OTOG: variants seen among roughly 807,000 people sequenced by gnomAD.
OTOG encodes otogelin.
In OTOG, 296 loss-of-function variants were observed where a neutral mutation model predicts 313.8. The observed-to-expected ratio is 0.94, with a 90% CI of 0.86 to 1.04. The LOEUF (loss-of-function observed/expected upper bound fraction) is 1.04. Ranked by LOEUF, OTOG falls within the 50% of genes least tolerant of loss-of-function variation. The pLI is 0.00. For synonymous variants in OTOG, 1,533 were observed against 1,554.9 expected (o/e 0.99, Z 0.33); for missense variants, 3,948 against 3,840.1 (o/e 1.03, Z -0.74).
intron 22 of OTOG, among the ~76,000 whole-genome samples, chr11:17,577,834 G>A (rs990869186): frequency 4.6e-5 from 7 of 152,102 alleles, no homozygotes; most frequent in African/African-American, 1.4e-4. Context: ...GTGAATGTGC[G>A]GGGCAGACCT....
chr11:17,604,148 C>G (rs1419445839), intron 32 of OTOG, among the ~76,000 whole-genome samples: 1 of 152,218 alleles, frequency 6.6e-6, no homozygotes, highest in East Asian at 1.9e-4. Context: ...ATTCAAACTC[C>G]TCTGCCATGC....
chr11:17,561,006 T>G, intron 13 of OTOG, 85 bp from the exon 14 acceptor site: 1 of 1,434,424 alleles, frequency 7.0e-7, no homozygotes, highest in Admixed American at 2.0e-5. Context: ...ATGGGAAGAC[T>G]GAGGGCTGTG....
chr11:17,623,359 C>T (rs1255676696), intron 39 of OTOG, among the ~76,000 whole-genome samples: 2 of 152,182 alleles, frequency 1.3e-5, no homozygotes, highest in African/African-American at 4.8e-5. Context: ...CATGTGCTCT[C>T]ATCATTTAGC....
At chr11:17,576,970 G>A in intron 22 of OTOG, 59 bp downstream of exon 22, 1 of 1,506,732 alleles carries the variant, frequency 6.6e-7, no homozygotes, top group Non-Finnish European at 9.0e-7. Context: ...AAGGAGAGTG[G>A]GGAGTGGAGC....
intron 53 of OTOG, among the ~76,000 whole-genome samples, chr11:17,643,023 G>A (rs1440863549): frequency 1.3e-5 from 2 of 152,226 alleles, no homozygotes; most frequent in Non-Finnish European, 2.9e-5. Context: ...GGTTTTAACG[G>A]ATACTTGCCC....
At chr11:17,609,576 C>A in intron 35 of OTOG, 79 bp from the exon 36 acceptor site, 4 of 1,299,738 alleles carry the variant, frequency 3.1e-6, no homozygotes, top group Non-Finnish European at 4.2e-6. Flanking sequence ...CCTCAAGCCT[C>A]ACACCACAGC....
chr11:17,574,035 G>T (rs1358315453), intron 19 of OTOG, among the ~76,000 whole-genome samples: 1 of 152,198 alleles, frequency 6.6e-6, no homozygotes, highest in East Asian at 1.9e-4. Flanking sequence ...ATCAACGAAG[G>T]CAACATATCT....
chr11:17,599,172 A>C (rs1853183585), intron 30 of OTOG, among the ~76,000 whole-genome samples: 1 of 152,180 alleles, frequency 6.6e-6, no homozygotes, highest in Non-Finnish European at 1.5e-5. Context: ...AGCTTCTCAC[A>C]GCTCGGCTGG....
intron 36 of OTOG, 136 bp downstream of exon 36, chr11:17,611,559 C>A: frequency 1.0e-6 from 1 of 979,062 alleles, no homozygotes. Flanking sequence ...ATTCTTCAGT[C>A]TCCTATTGGC....
rs756890224 is a variant in OTOG, at chr11:17,639,920, G to GTGGTGGTGGTGATGGTGAGGA, written c.7935+475_7935+476insGGATGGTGGTGGTGATGGTGA. On this transcript the variant is annotated intron_variant, in intron 49 of 55. Coordinates refer to ENST00000399397, the MANE Select transcript of OTOG (RefSeq NM_001292063.2). ...GATGGTGGTGGTGATGGTGAGGATG[G>GTGGTGGTGGTGATGGTGAGGA]TGGTGGTGGTGATGGTGATAATGCA... Among the ~76,000 whole-genome samples, 59 of 147,622 alleles carry GTGGTGGTGGTGATGGTGAGGA rather than the reference G, an allele frequency of 4.0e-4. 1 individual carries two copies. The highest frequency in any genetic ancestry group is 3.5e-3 in the Middle Eastern group (1 of 286).
Position 17,640,989 on chromosome 11 carries a change from T to C in OTOG, c.8088T>C (p.Asp2696=), listed in dbSNP as rs1565131167. 6.5e-7 allele frequency: 1 copy of C among 1,548,600 alleles called. No individual in the cohort carries two copies. Among genetic ancestry groups the C allele is most frequent in the Admixed American group, 2.0e-5 (1 of 50,996 alleles). Residue 2696 remains aspartate, a synonymous_variant, in exon 51 of 56, where the codon GAT becomes GAC. Coordinates refer to ENST00000399397, the MANE Select transcript of OTOG (RefSeq NM_001292063.2). ...PGQTVVELSA[D]GVCHTSRCTT... ...AGACAGTGGTGGAGCTCTCAGCAGATGGCGTGTGCCACACCTCCCGCTGCA... is the reference window on the plus strand; with the variant it reads ...AGACAGTGGTGGAGCTCTCAGCAGACGGCGTGTGCCACACCTCCCGCTGCA...
rs1486680730 is a variant in OTOG at position 17,597,019 on chromosome 11, A to G, written c.3682+12A>G. The G allele has an allele frequency of 6.5e-7, 1 of 1,549,472 alleles. No individual in the cohort carries two copies. The highest frequency in any genetic ancestry group is 1.2e-5 in the South Asian group (1 of 83,958). ...CCCCCGCCTCTGCCGTGAGTGTCCCAGACAATCACCTGAGGGGACAGAGTA... is the reference window on the plus strand; with the variant it reads ...CCCCCGCCTCTGCCGTGAGTGTCCCGGACAATCACCTGAGGGGACAGAGTA... On this transcript the variant is annotated intron_variant, in intron 30 of 55. Coordinates refer to ENST00000399397, the MANE Select transcript of OTOG (RefSeq NM_001292063.2).
rs1376664631 is a variant in OTOG, at chr11:17,593,243, C to T, written c.3057C>T (p.Tyr1019=). The change falls in exon 26 of 56, where the codon TAC becomes TAT. Residue 1019 remains tyrosine (Y), a synonymous_variant. Coordinates refer to ENST00000399397, the MANE Select transcript of OTOG (RefSeq NM_001292063.2). The part of the protein sequence containing the change: ...FSVIVENVNC[Y]SSGMICRKFI... ...TGATTGTAGAGAATGTGAACTGCTA[C>T]AGCTCTGGCATGATCTGCAGGAAAT... The T allele has an allele frequency of 6.5e-7, 1 of 1,549,988 alleles. No homozygotes were observed. Among genetic ancestry groups the T allele is most frequent in the South Asian group, 1.2e-5 (1 of 84,050 alleles).
chr11:17,606,575 C>A (rs1261967791), intron 33 of OTOG, among the ~76,000 whole-genome samples: 1 of 152,208 alleles, frequency 6.6e-6, no homozygotes, highest in African/African-American at 2.4e-5. Context: ...AAGGCCCAAG[C>A]CCCTGGACAG....
At chr11:17,599,473 G>A (rs1222081456) in intron 30 of OTOG, among the ~76,000 whole-genome samples, 198 bp from the exon 31 acceptor site, 1 of 152,192 alleles carries the variant, frequency 6.6e-6, no homozygotes, top group Non-Finnish European at 1.5e-5. Context: ...CGTGCTGTCG[G>A]CCCAGAGAGG....
chr11:17,598,739 C>T (rs1853172407), intron 30 of OTOG, among the ~76,000 whole-genome samples: 1 of 152,218 alleles, frequency 6.6e-6, no homozygotes, highest in African/African-American at 2.4e-5. Context: ...GCTACCACCC[C>T]TTGACTGGGT....
chr11:17,569,331 G>A lies in OTOG; in HGVS notation c.1777+43G>A, dbSNP rs1419753404. The A allele has an allele frequency of 7.1e-6, 11 of 1,547,444 alleles. No homozygotes were observed. The Admixed American group carries it at 2.2e-4, about 30-fold the overall frequency. ...CAACAGACCTAGTTGGGAACTGAGG[G>A]TTTGGACCTCTCTTCCCAGGATCCT... On this transcript the variant is annotated intron_variant, in intron 16 of 55. Transcript: ENST00000399397.
In OTOG at chr11:17,618,106, T is replaced by G. The variant is rs190241973; in HGVS notation, c.6528+4405T>G. Among the ~76,000 whole-genome samples the G allele has an allele frequency of 1.8e-3, 272 of 152,304 alleles. 3 individuals are homozygous for G. Among genetic ancestry groups the G allele is most frequent in the East Asian group, 6.4e-3 (33 of 5,184 alleles). ...TTAGTAGAGACGGGGTTTCACCGTG[T>G]TAGCCAGGATGGTCGCGATCTCCTG... On this transcript the variant is annotated intron_variant, in intron 39 of 55. Transcript: ENST00000399397.
intron 19 of OTOG, among the ~76,000 whole-genome samples, chr11:17,573,561 C>A (rs1229519978): frequency 6.6e-6 from 1 of 152,204 alleles, no homozygotes; most frequent in Non-Finnish European, 1.5e-5. Context: ...CCTGTTAATC[C>A]CAAATTCACC....
Sources: gnomAD v4.1 joint callset for allele counts (sites outside exome capture counted in the v4.1 genomes callset) on GRCh38, gnomAD v4.1.1 for gene constraint, MANE v1.5 for transcripts, NCBI Gene and HGNC (gene_info 2026-07-23, HGNC 2026-07-21) for gene names.